The following KIAA1549L variants were observed in gnomAD, a reference collection of about 807,000 sequenced individuals.
The protein encoded by KIAA1549L is UPF0606 protein KIAA1549L.
KIAA1549L carries 88 observed loss-of-function variants against 160.7 expected under a neutral mutation model. The ratio of observed to expected loss-of-function variants is 0.55; its 90% CI spans 0.46 to 0.65. The LOEUF is 0.65. KIAA1549L is among the 30% of genes least tolerant of loss of function. The probability of loss-of-function intolerance (pLI) is 0.00; values close to 1 mark genes in which losing one functional copy is unlikely to be tolerated. For synonymous variants in KIAA1549L, 950 were observed against 976.7 expected (o/e 0.97, Z 0.51); for missense variants, 2,258 against 2,437.5 (o/e 0.93, Z 1.55).
intron 1 of KIAA1549L, among the ~76,000 whole-genome samples, chr11:33,483,946 C>T (rs1852467308): frequency 6.6e-6 from 1 of 152,134 alleles, no homozygotes; most frequent in African/African-American, 2.4e-5. Context: ...AGTTGTCTTT[C>T]CCACTGAGGA....
At position 33,435,820 on chromosome 11, in the gene KIAA1549L, A is replaced by ATATATATATATATATG. The variant is rs1451645887; in HGVS notation, c.238+58942_238+58943insATATGTATATATATAT. Among the ~76,000 whole-genome samples the ATATATATATATATATG allele has an allele frequency of 5.1e-3, 226 of 44,724 alleles. 12 individuals carry two copies. The highest frequency in any genetic ancestry group is 0.011 in the African/African-American group (72 of 6,620). 29.3% of individuals were successfully genotyped at this position (44,724 alleles called of 152,430 possible). ...TATATATATATATATATGTGTGTGT[A>ATATATATATATATATG]TATATATATATGTATATGTATATGT... On this transcript the variant is annotated intron_variant, in intron 1 of 20. Coordinates refer to ENST00000658780, the MANE Select transcript of KIAA1549L (RefSeq NM_012194.3).
At chr11:33,447,518 C>G (rs921022323) in intron 1 of KIAA1549L, among the ~76,000 whole-genome samples, 1 of 135,178 alleles carries the variant, frequency 7.4e-6, no homozygotes, top group Admixed American at 7.7e-5. Flanking sequence ...ACCCATCCAT[C>G]CTTCCACTCA....
intron 1 of KIAA1549L, among the ~76,000 whole-genome samples, chr11:33,417,693 G>A (rs555833719): frequency 6.6e-6 from 1 of 152,248 alleles, no homozygotes; most frequent in South Asian, 2.1e-4. Flanking sequence ...GATTTCCTCT[G>A]TAACCATCCT....
chr11:33,419,651 G>A (rs2134100403), intron 1 of KIAA1549L, among the ~76,000 whole-genome samples: 2 of 152,148 alleles, frequency 1.3e-5, no homozygotes, highest in African/African-American at 4.8e-5. Context: ...TTTGAGACCA[G>A]CCTGGTCAAC....
At chr11:33,638,610 C>T (rs944192355) in intron 16 of KIAA1549L, among the ~76,000 whole-genome samples, 2 of 151,526 alleles carry the variant, frequency 1.3e-5, no homozygotes, top group African/African-American at 4.8e-5. Context: ...CTGCCATAAA[C>T]ATTTTCATGT....
chr11:33,612,259 GCTGA>G lies in KIAA1549L; in HGVS notation c.5279+2297_5279+2300del, dbSNP rs58391520. Among the ~76,000 whole-genome samples the G allele has an allele frequency of 8.4e-3, 1,273 of 152,280 alleles. 17 individuals are homozygous for G. Among genetic ancestry groups the G allele is most frequent in the African/African-American group, 0.029 (1,187 of 41,554 alleles). On this transcript the variant is annotated intron_variant, in intron 15 of 20. Coordinates refer to ENST00000658780, the MANE Select transcript of KIAA1549L (RefSeq NM_012194.3). ...CACTCTGCTGTTGACTCCAGAGACTGCTGACTGTTTATCTGCTATCACAGGTTAG... is the reference window on the plus strand; with the variant it reads ...CACTCTGCTGTTGACTCCAGAGACTGCTGTTTATCTGCTATCACAGGTTAG...
In KIAA1549L at chr11:33,598,229, T is replaced by TGTGTGTGTCTGA. The variant is rs138775051; in HGVS notation, c.4752-591_4752-590insGTGTGTGTCTGA. The stretch of plus-strand genomic sequence containing the variant: ...GTGTGTGTGTGTGTGTGTGTGTGTG[T>TGTGTGTGTCTGA]CAGAGTGAAGCCCCTAGTGATGGGG... On this transcript the variant is annotated intron_variant, in intron 12 of 20. Transcript: ENST00000658780. 7.4e-3 allele frequency among the ~76,000 whole-genome samples: 1,098 copies of TGTGTGTGTCTGA among 148,044 alleles called. 11 individuals carry two copies. Among genetic ancestry groups the TGTGTGTGTCTGA allele is most frequent in the African/African-American group, 0.023 (924 of 39,756 alleles).
At chr11:33,605,221 C>T (rs1247658943) in intron 13 of KIAA1549L, among the ~76,000 whole-genome samples, 2 of 151,984 alleles carry the variant, frequency 1.3e-5, no homozygotes, top group African/African-American at 2.4e-5. Flanking sequence ...GGAAGTAACA[C>T]GTTGTCATTT....
At chr11:33,517,070 GA>G (rs975709542) in intron 1 of KIAA1549L, among the ~76,000 whole-genome samples, 1 of 152,140 alleles carries the variant, frequency 6.6e-6, no homozygotes, top group Admixed American at 6.5e-5. Flanking sequence ...TCTGCCTATA[GA>G]ACACTCATTT....
chr11:33,469,709 A>G (rs538203976), intron 1 of KIAA1549L, among the ~76,000 whole-genome samples: 80 of 152,326 alleles, frequency 5.3e-4, no homozygotes, highest in African/African-American at 1.7e-3. Context: ...TATTTCAACC[A>G]TCTTAGTAGA....
At chr11:33,430,045 T>C (rs3117905) in intron 1 of KIAA1549L, among the ~76,000 whole-genome samples, 11,646 of 128,732 alleles carry the variant, frequency 0.09, 913 homozygotes, top group Non-Finnish European at 0.12. Context: ...CTTCCTTCCT[T>C]CCTCCCTTCC....
chr11:33,449,132 T>G (rs1851672370), intron 1 of KIAA1549L, among the ~76,000 whole-genome samples: 2 of 152,228 alleles, frequency 1.3e-5, no homozygotes, highest in Non-Finnish European at 2.9e-5. Flanking sequence ...TTTTTCTTCC[T>G]TCTAATTTTC....
chr11:33,376,549 CGGG>C lies in KIAA1549L; in HGVS notation c.-102_-100del, dbSNP rs1849956104. On this transcript the variant is annotated 5_prime_UTR_variant, in exon 1 of 21. Transcript: ENST00000658780. The surrounding 1 kb of genome is among the most constrained non-coding windows in gnomAD (Gnocchi z 5.8). ...CTCGGCGCCCCCTCCCTCCGGCGCC[CGGG>C]CCGTGGCCGGCGATGCCCGGTGAGG... The C allele has an allele frequency of 6.7e-6, 1 of 148,648 alleles. No individual in the cohort carries two copies. The highest frequency in any genetic ancestry group is 6.7e-5 in the Admixed American group (1 of 14,994). 9.2% of individuals were successfully genotyped at this position (148,648 alleles called of 1,614,324 possible). A position where few individuals can be genotyped will look rare whatever the true frequency, so the allele number is the denominator to read the frequency against.
intron 1 of KIAA1549L, among the ~76,000 whole-genome samples, chr11:33,386,993 G>A (rs1455536378): frequency 1.3e-5 from 2 of 151,962 alleles, no homozygotes; most frequent in Non-Finnish European, 2.9e-5. Flanking sequence ...TATAGTCCCA[G>A]CTACTTGGGA....
At chr11:33,660,004 G>T (rs1264977478) in intron 19 of KIAA1549L, among the ~76,000 whole-genome samples, 1 of 152,198 alleles carries the variant, frequency 6.6e-6, no homozygotes, top group East Asian at 1.9e-4. Context: ...GATTCCCCAG[G>T]CCTGGGCAGA....
intron 1 of KIAA1549L, among the ~76,000 whole-genome samples, chr11:33,416,813 T>G (rs2615944): frequency 0.03 from 4,503 of 152,274 alleles, 222 homozygotes; most frequent in African/African-American, 0.1. Context: ...CTATGGCTGG[T>G]AGGACTCCGT....
At chr11:33,436,978 T>A (rs118075923) in intron 1 of KIAA1549L, among the ~76,000 whole-genome samples, 224 of 152,308 alleles carry the variant, frequency 1.5e-3, no homozygotes, top group Non-Finnish European at 2.5e-3. Flanking sequence ...TAATGGACAT[T>A]GTGTTTGTGA....
intron 1 of KIAA1549L, among the ~76,000 whole-genome samples, chr11:33,409,070 G>A (rs1026515116): frequency 3.9e-5 from 6 of 151,912 alleles, no homozygotes; most frequent in Admixed American, 2.0e-4. Context: ...GGTTAGAAAC[G>A]GTGTGAATGA....
chr11:33,582,094 T>G (rs1855664473), intron 10 of KIAA1549L, among the ~76,000 whole-genome samples: 1 of 152,232 alleles, frequency 6.6e-6, no homozygotes, highest in African/African-American at 2.4e-5. Flanking sequence ...AAATACTGAA[T>G]TACTAAAAGC....
Sources: allele counts gnomAD v4.1 joint callset (sites outside exome capture counted in the v4.1 genomes callset), GRCh38; gene constraint gnomAD v4.1.1; non-coding constraint Gnocchi (gnomAD v3.1); transcripts MANE v1.5; gene names NCBI Gene and HGNC (gene_info 2026-07-23, HGNC 2026-07-21).